Variants in AKAP13 observed in about 807,000 individuals in gnomAD.
AKAP13 encodes the protein A-kinase anchor protein 13.
Under a neutral mutation model 264.5 loss-of-function variants are expected in AKAP13, and 80 were observed. The observed-to-expected ratio is 0.30, with a 90% CI of 0.25 to 0.36. AKAP13 has a LOEUF of 0.36. AKAP13 is among the 10% of genes least tolerant of loss of function. The pLI, the probability that AKAP13 is intolerant of heterozygous loss-of-function variation, is 1.00. For synonymous variants in AKAP13, 1,380 were observed against 1,250.2 expected, an observed-to-expected ratio of 1.10 and a Z score of -2.19; for missense variants, 3,712 against 3,435.2, an observed-to-expected ratio of 1.08 and a Z score of -2.01.
At chr15:85,709,194 C>T (rs575764455) in intron 18 of AKAP13, among the ~76,000 whole-genome samples, 171 of 152,270 alleles carry the variant, frequency 1.1e-3, no homozygotes, top group African/African-American at 3.9e-3. Flanking sequence ...ACCCTTGGCT[C>T]CCTGATATTT....
intron 8 of AKAP13, among the ~76,000 whole-genome samples, chr15:85,588,876 A>C (rs1054554833): frequency 1.3e-5 from 2 of 152,200 alleles, no homozygotes; most frequent in African/African-American, 4.8e-5. Flanking sequence ...CTGATTGGTA[A>C]AGTTGCTATA....
chr15:85,744,162 G>T, intron 36 of AKAP13: 1 of 323,976 alleles, frequency 3.1e-6, no homozygotes, highest in Non-Finnish European at 5.7e-6. Context: ...CTAGCATTTG[G>T]TGATTTAACC....
chr15:85,565,148 G>C (rs1215055737), intron 5 of AKAP13, among the ~76,000 whole-genome samples: 1 of 152,100 alleles, frequency 6.6e-6, no homozygotes, highest in Non-Finnish European at 1.5e-5. Context: ...GTCTGATGTA[G>C]TAGTAATGAA....
intron 16 of AKAP13, chr15:85,689,883 C>T (rs2085178210): frequency 6.6e-6 from 1 of 152,272 alleles, no homozygotes; most frequent in African/African-American, 2.4e-5. Flanking sequence ...AACAAGCAGC[C>T]TCAGCCCTCC....
chr15:85,682,113 T>C, intron 14 of AKAP13, 45 bp from the exon 15 acceptor site: 1 of 1,552,792 alleles, frequency 6.4e-7, no homozygotes, highest in Non-Finnish European at 8.9e-7. Context: ...CCGGCATCAG[T>C]GTTAAATTTT....
chr15:85,735,527 T>A, intron 31 of AKAP13, 33 bp from the exon 32 acceptor site: 2 of 1,579,510 alleles, frequency 1.3e-6, no homozygotes, highest in African/African-American at 2.7e-5. Context: ...TTTCACAACT[T>A]TAAAAAAAAA....
At chr15:85,697,893 T>A (rs2085655242) in intron 17 of AKAP13, among the ~76,000 whole-genome samples, 1 of 152,200 alleles carries the variant, frequency 6.6e-6, no homozygotes. Flanking sequence ...GTCCTTGATC[T>A]TATATGAAGT....
rs562291813 is a variant in AKAP13 at position 85,513,201 on chromosome 15, T to C, written c.34-8227T>C. 1.0e-3 allele frequency among the ~76,000 whole-genome samples: 159 copies of C among 152,294 alleles called. 1 individual carries two copies. The highest frequency in any genetic ancestry group is 3.7e-3 in the African/African-American group (154 of 41,558). Reference sequence around the variant, plus strand: ...TAGGTCCTCGGGTAAAAGGCGCTTGTGTGAGCATGGACAGGCTCCATGCTC... The same window carrying C: ...TAGGTCCTCGGGTAAAAGGCGCTTGCGTGAGCATGGACAGGCTCCATGCTC... On this transcript the variant is annotated intron_variant, in intron 2 of 36. Transcript: ENST00000394518.
At chr15:85,530,970 G>A (rs2077224147) in intron 3 of AKAP13, among the ~76,000 whole-genome samples, 1 of 152,146 alleles carries the variant, frequency 6.6e-6, no homozygotes, top group South Asian at 2.1e-4. Context: ...TGCCTCCCAG[G>A]TTCAAGTGAT....
At chr15:85,605,424 A>G (rs898893490) in intron 8 of AKAP13, among the ~76,000 whole-genome samples, 3 of 152,196 alleles carry the variant, frequency 2.0e-5, no homozygotes, top group Admixed American at 6.5e-5. Context: ...CTGAACAATG[A>G]GAACATGTGG....
intron 18 of AKAP13, 45 bp from the exon 19 acceptor site, chr15:85,710,534 T>A (rs771287445): frequency 2.9e-5 from 46 of 1,598,156 alleles, no homozygotes; most frequent in Middle Eastern, 1.7e-4. Context: ...TTCTCAGGGC[T>A]TGTCAGAGGT....
At chr15:85,677,985 C>A (rs1284401231) in intron 14 of AKAP13, among the ~76,000 whole-genome samples, 1 of 151,974 alleles carries the variant, frequency 6.6e-6, no homozygotes, top group African/African-American at 2.4e-5. Flanking sequence ...TTTCTCTCTC[C>A]TTTTGAACTT....
intron 1 of AKAP13, among the ~76,000 whole-genome samples, chr15:85,418,565 A>G: frequency 6.6e-6 from 1 of 152,222 alleles, no homozygotes; most frequent in East Asian, 1.9e-4. Context: ...CGGTAAAGAA[A>G]CCAAGACTTC....
At chr15:85,553,032 A>G (rs913215586) in intron 5 of AKAP13, among the ~76,000 whole-genome samples, 2 of 151,586 alleles carry the variant, frequency 1.3e-5, no homozygotes, top group Non-Finnish European at 2.9e-5. Context: ...TCTGAACACT[A>G]GTTAATAAAA....
chr15:85,461,516 G>T (rs2074514311), intron 1 of AKAP13, among the ~76,000 whole-genome samples: 1 of 152,112 alleles, frequency 6.6e-6, no homozygotes, highest in Admixed American at 6.5e-5. Context: ...AGTGTTATTT[G>T]TATCCTGATA....
intron 12 of AKAP13, among the ~76,000 whole-genome samples, chr15:85,664,081 C>G (rs372333548): frequency 1.3e-5 from 2 of 152,172 alleles, no homozygotes; most frequent in East Asian, 3.9e-4. Flanking sequence ...TTATAAAGGT[C>G]AACTTGAATG....
intron 20 of AKAP13, among the ~76,000 whole-genome samples, chr15:85,716,570 G>C (rs951199402): frequency 1.3e-5 from 2 of 152,200 alleles, no homozygotes; most frequent in Non-Finnish European, 2.9e-5. Flanking sequence ...GTAGGACTCA[G>C]AGTATCTCTT....
chr15:85,716,572 G>GT (rs1167632153), intron 20 of AKAP13, among the ~76,000 whole-genome samples: 1 of 152,212 alleles, frequency 6.6e-6, no homozygotes, highest in African/African-American at 2.4e-5. Context: ...AGGACTCAGA[G>GT]TATCTCTTTA....
At chr15:85,643,414 C>T (rs183510231) in intron 9 of AKAP13, among the ~76,000 whole-genome samples, 2 of 152,270 alleles carry the variant, frequency 1.3e-5, no homozygotes, top group Admixed American at 1.3e-4. Flanking sequence ...TTGACCCTTG[C>T]TCTAAGCTAC....
Sources: allele counts gnomAD v4.1 joint callset (sites outside exome capture counted in the v4.1 genomes callset), GRCh38; gene constraint gnomAD v4.1.1; transcripts MANE v1.5; gene names NCBI Gene and HGNC (gene_info 2026-07-23, HGNC 2026-07-21).